The following GLDN variants were observed in gnomAD, a reference collection of about 807,000 sequenced individuals.
GLDN encodes gliomedin.
In GLDN, 47 loss-of-function variants were observed where a neutral mutation model predicts 56.5. The observed-to-expected ratio is 0.83, with a 90% confidence interval of 0.66 to 1.06. The LOEUF (loss-of-function observed/expected upper bound fraction) is 1.06. Ranked by LOEUF, GLDN falls within the 50% of genes least tolerant of loss-of-function variation. The pLI, the probability that GLDN is intolerant of heterozygous loss-of-function variation, is 0.00. For missense variants in GLDN, 782 were observed against 714.3 expected (o/e 1.09, Z -1.08); for synonymous variants, 332 against 278.8 (o/e 1.19, Z -1.90).
chr15:51,400,251 A>G lies in GLDN; in HGVS notation c.877A>G (p.Ser293Gly). 6.2e-7 allele frequency: 1 copy of G among 1,614,252 alleles called. No individual in the cohort carries two copies. The highest frequency in any genetic ancestry group is 8.5e-7 in the Non-Finnish European group (1 of 1,180,036). ...TLVGKADEKA[S>G]EHHSPQAESM... ...GGTTGGAAAAGCTGATGAGAAAGCC[A>G]GTGAACACCATTCCCCACAAGCAGG... Residue 293 changes from serine to glycine, a missense_variant, in exon 7 of 10, where the codon AGT becomes GGT. Transcript: ENST00000335449.
At chr15:51,388,572 T>C (rs2037949453) in intron 4 of GLDN, among the ~76,000 whole-genome samples, 1 of 152,198 alleles carries the variant, frequency 6.6e-6, no homozygotes, top group African/African-American at 2.4e-5. Flanking sequence ...TCTTGCTTAG[T>C]TCCTACCTTC....
intron 4 of GLDN, among the ~76,000 whole-genome samples, chr15:51,386,241 G>A (rs2037889567): frequency 6.6e-6 from 1 of 152,128 alleles, no homozygotes; most frequent in South Asian, 2.1e-4. Context: ...AGTCCCCGAG[G>A]CCCCCATGAG....
In GLDN at chr15:51,404,512, G is replaced by T. The variant is rs1157632875; in HGVS notation, c.1414G>T (p.Ala472Ser). The T allele has an allele frequency of 7.4e-6, 12 of 1,614,108 alleles. No individual in the cohort carries two copies. Among genetic ancestry groups the T allele is most frequent in the Non-Finnish European group, 1.0e-5 (12 of 1,180,000 alleles). The change falls in exon 10 of 10, where the codon GCT becomes TCT. Residue 472 changes from alanine (A) to serine (S), a missense_variant. Ala to Ser is a moderately conservative substitution (Grantham distance 99, BLOSUM62 1). Transcript: ENST00000335449. ...CAATACCACGTACCCTAAATCCAAG[G>T]CTGGCAACGCCTTCATTGCCCGAGG... ...HVNTTYPKSK[A>S]GNAFIARGIL... is the part of the protein sequence containing the mutation.
At position 51,405,397 on chromosome 15, in the gene GLDN, T is replaced by C. The variant is rs1039627527; in HGVS notation, c.*643T>C. 3 of 151,542 alleles carry C rather than the reference T, an allele frequency of 2.0e-5. No individual in the cohort carries two copies. The highest frequency in any genetic ancestry group is 2.0e-4 in the Admixed American group (3 of 15,242). The allele number at this position is 151,542 out of a possible 1,614,324, so 9.4% of individuals were successfully genotyped here. On this transcript the variant is annotated 3_prime_UTR_variant, in exon 10 of 10. Transcript: ENST00000335449. ...TTCAGGTTTTTTTTTTTTTTTTTTT[T>C]TCAATAAGCTATTTTTTTTCTTTTC...
intron 9 of GLDN, among the ~76,000 whole-genome samples, chr15:51,402,688 G>A (rs779819440): frequency 7.2e-5 from 11 of 152,200 alleles, no homozygotes; most frequent in Non-Finnish European, 1.6e-4. Context: ...TACCCTTAGT[G>A]AGGTCCAGCT....
At chr15:51,349,936 G>T (rs1825312274) in intron 1 of GLDN, among the ~76,000 whole-genome samples, 1 of 152,034 alleles carries the variant, frequency 6.6e-6, no homozygotes, top group Admixed American at 6.6e-5. Context: ...GTAGAGACGG[G>T]GTTTCACCGT....
At chr15:51,348,512 T>C (rs1401941296) in intron 1 of GLDN, among the ~76,000 whole-genome samples, 2 of 151,990 alleles carry the variant, frequency 1.3e-5, no homozygotes, top group East Asian at 3.9e-4. Context: ...AAAAATTTTT[T>C]TTCTTTAGTA....
rs1443918628 is a variant in GLDN at position 51,390,938 on chromosome 15, C to A, written c.542-3897C>A. Among the ~76,000 whole-genome samples, 7 of 152,250 alleles carry A rather than the reference C, an allele frequency of 4.6e-5. No homozygotes were observed. The East Asian group carries it at 1.4e-3, about 29-fold the overall frequency. On this transcript the variant is annotated intron_variant, in intron 4 of 9. Coordinates refer to ENST00000335449, the MANE Select transcript of GLDN (RefSeq NM_181789.4). ...CTAGCATCCCTGACCTTCCCTGGGA[C>A]AGGGCAGGGTAGAAAATGCCACACA...
downstream of GLDN, among the ~76,000 whole-genome samples, chr15:51,412,964 T>C (rs1314097362): frequency 6.6e-6 from 1 of 152,192 alleles, no homozygotes; most frequent in Admixed American, 6.5e-5. Context: ...ATTTACATTT[T>C]TTTTTCTTCC....
intron 8 of GLDN, among the ~76,000 whole-genome samples, chr15:51,400,824 T>C (rs894919454): frequency 6.6e-6 from 1 of 152,196 alleles, no homozygotes; most frequent in African/African-American, 2.4e-5. Context: ...GAAAAAAATG[T>C]CAGAGATGAA....
chr15:51,363,807 T>C (rs2037350154), intron 1 of GLDN, among the ~76,000 whole-genome samples: 4 of 152,244 alleles, frequency 2.6e-5, no homozygotes, highest in Admixed American at 2.0e-4. Context: ...TACAGGTAGA[T>C]GCAAAGATGT....
rs765336748 is a variant in GLDN at position 51,404,523 on chromosome 15, C to G, written c.1425C>G (p.Ala475=). 11 of 1,613,994 alleles carry G rather than the reference C, an allele frequency of 6.8e-6. No homozygotes were observed. The highest frequency in any genetic ancestry group is 9.3e-6 in the Non-Finnish European group (11 of 1,180,004). Residue 475 remains alanine (A), a synonymous_variant, in exon 10 of 10, where the codon GCC becomes GCG. Transcript: ENST00000335449. The part of the protein sequence containing the change: ...TTYPKSKAGN[A]FIARGILYVT... ...ACCCTAAATCCAAGGCTGGCAACGC[C>G]TTCATTGCCCGAGGAATCCTCTATG...
chr15:51,394,249 T>C (rs1012748218), intron 4 of GLDN, among the ~76,000 whole-genome samples: 2 of 152,232 alleles, frequency 1.3e-5, no homozygotes, highest in African/African-American at 4.8e-5. Context: ...CTTTCCACTG[T>C]TGCTGCCATC....
At chr15:51,370,496 CTG>C (rs374409914) in intron 1 of GLDN, among the ~76,000 whole-genome samples, 23 of 152,316 alleles carry the variant, frequency 1.5e-4, no homozygotes, top group African/African-American at 5.5e-4. Flanking sequence ...CTAGTTCATT[CTG>C]TTCATTTGCC....
intron 1 of GLDN, among the ~76,000 whole-genome samples, chr15:51,361,848 T>G (rs2037306498): frequency 6.6e-6 from 1 of 152,138 alleles, no homozygotes; most frequent in Non-Finnish European, 1.5e-5. Flanking sequence ...GAGATTTGCT[T>G]GAACCCCAGG....
rs78300334 is a variant in GLDN at position 51,405,168 on chromosome 15, T to C, written c.*414T>C. 5.1e-6 allele frequency: 1 copy of C among 195,082 alleles called. No individual in the cohort carries two copies. Among genetic ancestry groups the C allele is most frequent in the East Asian group, 1.4e-4 (1 of 7,386 alleles). The allele number at this position is 195,082 out of a possible 1,614,324, so 12.1% of individuals were successfully genotyped here. A position where few individuals can be genotyped will look rare whatever the true frequency, so the allele number is the denominator to read the frequency against. On this transcript the variant is annotated 3_prime_UTR_variant, in exon 10 of 10. Transcript: ENST00000335449. Reference sequence around the variant, plus strand: ...TTTACCTTTGAGTTGATAAGTCCAGTGGCTTGAGTAGTGAATCCCTCAGTG... The same window carrying C: ...TTTACCTTTGAGTTGATAAGTCCAGCGGCTTGAGTAGTGAATCCCTCAGTG...
At chr15:51,381,357 T>C (rs574011933) in intron 2 of GLDN, among the ~76,000 whole-genome samples, 1 of 152,156 alleles carries the variant, frequency 6.6e-6, no homozygotes, top group East Asian at 1.9e-4. Flanking sequence ...CGATGATTAA[T>C]TGATTTCCTC....
At chr15:51,361,122 G>C (rs756731598) in intron 1 of GLDN, among the ~76,000 whole-genome samples, 33 of 152,308 alleles carry the variant, frequency 2.2e-4, no homozygotes, top group Non-Finnish European at 3.1e-4. Flanking sequence ...GATGATTCCA[G>C]CAGTACTCCT....
Position 51,405,300 on chromosome 15 carries a change from A to G in GLDN, c.*546A>G, listed in dbSNP as rs2038353342. On this transcript the variant is annotated 3_prime_UTR_variant, in exon 10 of 10. Transcript: ENST00000335449. Reference sequence around the variant, plus strand: ...TTTCTTTGCATCTGCACCTGCCACCACAGAATAACCATTACCCTCAGCTGC... The same window carrying G: ...TTTCTTTGCATCTGCACCTGCCACCGCAGAATAACCATTACCCTCAGCTGC... 1 of 151,490 alleles carries G rather than the reference A, an allele frequency of 6.6e-6. No homozygotes were observed. 9.4% of individuals were successfully genotyped at this position (151,490 alleles called of 1,614,324 possible).
Sources: allele counts gnomAD v4.1 joint callset (sites outside exome capture counted in the v4.1 genomes callset), GRCh38; gene constraint gnomAD v4.1.1; transcripts MANE v1.5; gene names NCBI Gene and HGNC (gene_info 2026-07-23, HGNC 2026-07-21).